Variants in RSU1 observed in about 807,000 individuals in gnomAD.
The protein encoded by RSU1 is Ras suppressor protein 1.
In RSU1, 26 loss-of-function variants were observed where a neutral mutation model predicts 31.1. That is an observed-to-expected ratio of 0.84 (90% CI 0.61 to 1.16). The LOEUF (loss-of-function observed/expected upper bound fraction) is 1.16. Among genes scored for constraint, RSU1 ranks in the 50% most tolerant of loss-of-function variants. The pLI, the probability that RSU1 is intolerant of heterozygous loss-of-function variation, is 0.00. For missense variants in RSU1, 320 were observed against 339.1 expected, an observed-to-expected ratio of 0.94 and a Z score of 0.44; for synonymous variants, 164 against 136.3, an observed-to-expected ratio of 1.20 and a Z score of -1.41.
At chr10:16,677,417 A>ACTAAT (rs138241065) in intron 8 of RSU1, among the ~76,000 whole-genome samples, 2,179 of 152,264 alleles carry the variant, frequency 0.014, 49 homozygotes, top group African/African-American at 0.05. Flanking sequence ...TGTATCACAC[A>ACTAAT]CTAATCTACA....
At chr10:16,734,859 A>C (rs1208673663) in intron 7 of RSU1, among the ~76,000 whole-genome samples, 1 of 152,174 alleles carries the variant, frequency 6.6e-6, no homozygotes, top group African/African-American at 2.4e-5. Context: ...AGTTAAAATG[A>C]GGTCATATGA....
intron 7 of RSU1, among the ~76,000 whole-genome samples, chr10:16,735,504 T>C (rs1836607723): frequency 6.6e-6 from 1 of 152,196 alleles, no homozygotes; most frequent in African/African-American, 2.4e-5. Context: ...CTGGACAAAA[T>C]GTATAATAGA....
chr10:16,694,219 G>A (rs1260484775), intron 8 of RSU1, among the ~76,000 whole-genome samples: 1 of 152,180 alleles, frequency 6.6e-6, no homozygotes, highest in African/African-American at 2.4e-5. Flanking sequence ...GTATTTGGAT[G>A]CTGTGACTTT....
intron 2 of RSU1, among the ~76,000 whole-genome samples, chr10:16,813,415 TACTG>T (rs1008914308): frequency 4.2e-4 from 64 of 152,216 alleles, no homozygotes; most frequent in Non-Finnish European, 6.3e-4. Context: ...TGGTTCAGGC[TACTG>T]ACTATGTTGG....
rs200357784 is a variant in RSU1, at chr10:16,623,027, C to CT, written c.732-29532dup. Reference sequence around the variant, plus strand: ...AAATCAAGAAAAAGTACATTCTAATCTTTTTTTTTTCCCCCAACTTTCATT... The same window carrying CT: ...AAATCAAGAAAAAGTACATTCTAATCTTTTTTTTTTTCCCCCAACTTTCATT... On this transcript the variant is annotated intron_variant, in intron 8 of 8. Transcript: ENST00000345264. 8.6e-5 allele frequency among the ~76,000 whole-genome samples: 13 copies of CT among 150,410 alleles called. No individual in the cohort carries two copies. The East Asian group carries it at 1.4e-3, about 16-fold the overall frequency.
At chr10:16,755,088 G>C (rs1337051589) in intron 4 of RSU1, 99 bp from the exon 5 acceptor site, 8 of 671,582 alleles carry the variant, frequency 1.2e-5, no homozygotes, top group Non-Finnish European at 2.1e-5. Context: ...GTGTAAGACA[G>C]TGCCATGATC....
chr10:16,661,287 C>CGTGT (rs56675037), intron 8 of RSU1, among the ~76,000 whole-genome samples: 12,816 of 132,694 alleles, frequency 0.097, 620 homozygotes, highest in Non-Finnish European at 0.11. Flanking sequence ...GTAGAGAGTG[C>CGTGT]GTGTGTGTGT....
chr10:16,671,896 G>C (rs1273649454), intron 8 of RSU1, among the ~76,000 whole-genome samples: 1 of 151,686 alleles, frequency 6.6e-6, no homozygotes. Flanking sequence ...AAAGTGCTGG[G>C]ATTACAGGCA....
At chr10:16,612,612 C>A (rs1013416141) in intron 8 of RSU1, among the ~76,000 whole-genome samples, 3 of 152,208 alleles carry the variant, frequency 2.0e-5, no homozygotes, top group African/African-American at 7.2e-5. Context: ...TACGGTAACT[C>A]TGCAGTGAAA....
chr10:16,805,544 C>T (rs1190176059), intron 2 of RSU1, among the ~76,000 whole-genome samples: 3 of 150,888 alleles, frequency 2.0e-5, no homozygotes, highest in African/African-American at 4.9e-5. Flanking sequence ...GGCGTTGTGG[C>T]GGGCGCCTGT....
chr10:16,812,591 G>C (rs956343122), intron 2 of RSU1, among the ~76,000 whole-genome samples: 9 of 152,268 alleles, frequency 5.9e-5, no homozygotes, highest in East Asian at 1.9e-4. Context: ...TTTTGAGATA[G>C]CTCTTCCAGA....
At position 16,695,157 on chromosome 10, in the gene RSU1, TGG is replaced by T. The variant is rs56715139; in HGVS notation, c.599-4_599-3del. 19,988 of 1,190,774 alleles carry T rather than the reference TGG, an allele frequency of 0.017. 739 individuals carry two copies. The highest frequency in any genetic ancestry group is 0.14 in the East Asian group (4,563 of 32,078). 73.8% of individuals were successfully genotyped at this position (1,190,774 alleles called of 1,614,324 possible). Reference sequence around the variant, plus strand: ...TCTGGCCAGTTAAATCCAAGTTTCCTGGGGGGGGGGAAAAAAAAAGTGAAGGT... The same window carrying T: ...TCTGGCCAGTTAAATCCAAGTTTCCTGGGGGGGGAAAAAAAAAGTGAAGGT... On this transcript the variant is annotated splice_polypyrimidine_tract_variant and splice_region_variant and intron_variant, in intron 7 of 8. Coordinates refer to ENST00000345264, the MANE Select transcript of RSU1 (RefSeq NM_012425.4).
chr10:16,743,266 A>G (rs566435959), intron 7 of RSU1, among the ~76,000 whole-genome samples: 1 of 152,332 alleles, frequency 6.6e-6, no homozygotes, highest in Non-Finnish European at 1.5e-5. Context: ...ATTGATGGGT[A>G]TACCATTGGG....
intron 7 of RSU1, among the ~76,000 whole-genome samples, chr10:16,714,314 A>G (rs1836085633): frequency 6.6e-6 from 1 of 152,220 alleles, no homozygotes; most frequent in South Asian, 2.1e-4. Context: ...CCACTGGCCC[A>G]GCTCTTGGGC....
intron 4 of RSU1, among the ~76,000 whole-genome samples, chr10:16,756,796 A>G (rs1257368178): frequency 1.3e-5 from 2 of 151,260 alleles, no homozygotes; most frequent in African/African-American, 2.4e-5. Flanking sequence ...TCAAGGGTCA[A>G]TTGTGTGTGA....
chr10:16,751,917 G>C (rs1181198713), intron 7 of RSU1, among the ~76,000 whole-genome samples: 1 of 152,124 alleles, frequency 6.6e-6, no homozygotes, highest in Non-Finnish European at 1.5e-5. Context: ...TCTGGCGGGG[G>C]ACATAAACCC....
chr10:16,750,939 C>G (rs1173964850), intron 7 of RSU1, among the ~76,000 whole-genome samples: 1 of 151,188 alleles, frequency 6.6e-6, no homozygotes, highest in African/African-American at 2.4e-5. Flanking sequence ...GATCACTGCT[C>G]ACTGCAGCTT....
At chr10:16,616,547 CAGAG>C (rs1271598588) in intron 8 of RSU1, among the ~76,000 whole-genome samples, 4 of 152,068 alleles carry the variant, frequency 2.6e-5, no homozygotes, top group Admixed American at 6.6e-5. Context: ...CAAAAACTGT[CAGAG>C]AGACAACAAA....
intron 3 of RSU1, among the ~76,000 whole-genome samples, chr10:16,776,141 T>C (rs1161779533): frequency 6.6e-6 from 1 of 152,232 alleles, no homozygotes; most frequent in African/African-American, 2.4e-5. Context: ...TTCAGACAGT[T>C]AATTCTTCTC....
Sources: allele counts gnomAD v4.1 joint callset (sites outside exome capture counted in the v4.1 genomes callset), GRCh38; gene constraint gnomAD v4.1.1; transcripts MANE v1.5; gene names NCBI Gene and HGNC (gene_info 2026-07-23, HGNC 2026-07-21).